FGGY: variants seen among roughly 807,000 people sequenced by gnomAD.
FGGY encodes the protein FGGY carbohydrate kinase domain containing.
Under a neutral mutation model 71.3 loss-of-function variants are expected in FGGY, and 72 were observed. That is an observed-to-expected ratio of 1.01 (90% confidence interval 0.84 to 1.23). FGGY has a LOEUF of 1.23. Among genes scored for constraint, FGGY ranks in the 50% most tolerant of loss-of-function variants. The pLI is 0.00. For missense variants in FGGY, 668 were observed against 682.3 expected (o/e 0.98, Z 0.23); for synonymous variants, 251 against 250.3 (o/e 1.00, Z -0.02).
At chr1:59,335,647 G>A (rs1230194494) in intron 2 of FGGY, among the ~76,000 whole-genome samples, 1 of 152,120 alleles carries the variant, frequency 6.6e-6, no homozygotes, top group East Asian at 1.9e-4. Flanking sequence ...ATGTATAAGG[G>A]CATCACTTTC....
intron 14 of FGGY, among the ~76,000 whole-genome samples, chr1:59,681,806 GCA>G (rs10666171): frequency 2.7e-5 from 4 of 150,028 alleles, no homozygotes; most frequent in African/African-American, 4.9e-5. Flanking sequence ...ACACACACAT[GCA>G]CACACACACA....
In FGGY at chr1:59,559,075, C is replaced by A. The variant is rs533941120; in HGVS notation, c.903+4848C>A. Among the ~76,000 whole-genome samples the A allele has an allele frequency of 2.6e-5, 4 of 152,304 alleles. No homozygotes were observed. The South Asian group carries it at 8.3e-4, about 32-fold the overall frequency. ...GCACTGATTTCATATTGTTCAAACA[C>A]ACATCTTTTACAATCAATTTGTACA... On this transcript the variant is annotated intron_variant, in intron 8 of 15. Coordinates refer to ENST00000303721, the MANE Select transcript of FGGY (RefSeq NM_018291.5).
rs77697733 is a variant in FGGY at position 59,329,953 on chromosome 1, C to T, written c.201+8203C>T. ...AAAGTTCCATTGGATAGTGCTGCCC[C>T]AAACCTTAATTCAAAAGTTAGTTCT... is the stretch of plus-strand genomic sequence containing the variant. On this transcript the variant is annotated intron_variant, in intron 2 of 15. Transcript: ENST00000303721. Among the ~76,000 whole-genome samples the T allele has an allele frequency of 8.4e-3, 1,273 of 152,294 alleles. 15 individuals are homozygous for T. The highest frequency in any genetic ancestry group is 0.029 in the African/African-American group (1,198 of 41,550).
At chr1:59,615,507 A>T (rs1558557597) in intron 9 of FGGY, among the ~76,000 whole-genome samples, 1 of 152,228 alleles carries the variant, frequency 6.6e-6, no homozygotes. Flanking sequence ...AAGATGGATT[A>T]AAGACTTAAA....
chr1:59,587,647 C>T (rs12759733), intron 8 of FGGY, among the ~76,000 whole-genome samples: 1 of 151,980 alleles, frequency 6.6e-6, no homozygotes, highest in African/African-American at 2.4e-5. Flanking sequence ...ACGATAATCC[C>T]CTGTTCTGCA....
chr1:59,482,634 G>GTGTATATATATATATATATATA (rs144699610), intron 6 of FGGY, among the ~76,000 whole-genome samples: 1 of 147,460 alleles, frequency 6.8e-6, no homozygotes, highest in African/African-American at 2.5e-5. Flanking sequence ...GTGTCTGTGT[G>GTGTATATATATATATATATATA]TATATATATA....
At position 59,500,444 on chromosome 1, in the gene FGGY, A is replaced by G. The variant is rs1033215088; in HGVS notation, c.671-11867A>G. ...TCTCAGTACCAGGCACAGAGCAAGC[A>G]CCCAATACATATTATAGGAATAAAT... On this transcript the variant is annotated intron_variant, in intron 6 of 15. Coordinates refer to ENST00000303721, the MANE Select transcript of FGGY (RefSeq NM_018291.5). 5.3e-5 allele frequency among the ~76,000 whole-genome samples: 8 copies of G among 152,230 alleles called. No homozygotes were observed. In the East Asian group the frequency reaches 1.3e-3, roughly 26 times the overall value.
intron 14 of FGGY, among the ~76,000 whole-genome samples, chr1:59,719,267 T>C (rs1291557815): frequency 6.6e-6 from 1 of 152,202 alleles, no homozygotes; most frequent in Non-Finnish European, 1.5e-5. Context: ...ACTTTTTTTT[T>C]TAAGTGTTTT....
intron 7 of FGGY, among the ~76,000 whole-genome samples, chr1:59,527,704 G>A (rs1467279737): frequency 1.3e-5 from 2 of 152,136 alleles, no homozygotes; most frequent in Non-Finnish European, 2.9e-5. Flanking sequence ...CACATAACTT[G>A]CCTCTGTTCC....
chr1:59,359,918 C>T (rs748372112), intron 4 of FGGY, among the ~76,000 whole-genome samples: 10 of 152,218 alleles, frequency 6.6e-5, no homozygotes, highest in Non-Finnish European at 1.2e-4. Flanking sequence ...CTCTATCCTA[C>T]CTGGCCTCCG....
chr1:59,395,678 T>C (rs528286361), intron 5 of FGGY, among the ~76,000 whole-genome samples: 3 of 152,312 alleles, frequency 2.0e-5, no homozygotes, highest in Admixed American at 6.5e-5. Context: ...TTTAGATACA[T>C]TAACCCCTTC....
intron 8 of FGGY, among the ~76,000 whole-genome samples, chr1:59,574,829 TTTCCAATGAAAAGAAGCAAAG>T (rs1421785381): frequency 6.6e-6 from 1 of 152,148 alleles, no homozygotes; most frequent in Non-Finnish European, 1.5e-5. Flanking sequence ...ACCTGTGAGA[TTTCCAATGAAAAGAAGCAAAG>T]TTTTATACAT....
At chr1:59,346,714 A>T (rs146087763) in intron 4 of FGGY, among the ~76,000 whole-genome samples, 2 of 152,184 alleles carry the variant, frequency 1.3e-5, no homozygotes, top group African/African-American at 4.8e-5. Context: ...ATGTTCATAG[A>T]GATAAAACAA....
At chr1:59,622,563 C>T (rs1478596890) in intron 9 of FGGY, among the ~76,000 whole-genome samples, 1 of 152,170 alleles carries the variant, frequency 6.6e-6, no homozygotes, top group African/African-American at 2.4e-5. Context: ...TGGACTACTT[C>T]TGGTGTTCCC....
chr1:59,465,805 G>A (rs1049423670), intron 6 of FGGY, among the ~76,000 whole-genome samples: 1 of 152,172 alleles, frequency 6.6e-6, no homozygotes, highest in Non-Finnish European at 1.5e-5. Context: ...CAAAGGATGT[G>A]AAGTACCTCT....
intron 7 of FGGY, among the ~76,000 whole-genome samples, chr1:59,543,055 G>A (rs572673076): frequency 6.6e-6 from 1 of 152,118 alleles, no homozygotes; most frequent in African/African-American, 2.4e-5. Flanking sequence ...CATTTCAACT[G>A]CAGGTTTTGA....
At chr1:59,369,210 G>A (rs1186259612) in intron 4 of FGGY, among the ~76,000 whole-genome samples, 1 of 152,174 alleles carries the variant, frequency 6.6e-6, no homozygotes, top group Non-Finnish European at 1.5e-5. Flanking sequence ...ACTCCCACCC[G>A]ATACTGCGCT....
At chr1:59,497,459 G>C (rs1015583859) in intron 6 of FGGY, among the ~76,000 whole-genome samples, 25 of 152,254 alleles carry the variant, frequency 1.6e-4, no homozygotes, top group African/African-American at 4.3e-4. Flanking sequence ...GTGGTGGCAG[G>C]CACCTGTAAT....
At chr1:59,456,195 C>T (rs189319307) in intron 5 of FGGY, among the ~76,000 whole-genome samples, 1 of 152,300 alleles carries the variant, frequency 6.6e-6, no homozygotes, top group East Asian at 1.9e-4. Context: ...TTCTCCTTCT[C>T]ATGTTGCTTA....
Sources: gnomAD v4.1 joint callset for allele counts (sites outside exome capture counted in the v4.1 genomes callset) on GRCh38, gnomAD v4.1.1 for gene constraint, MANE v1.5 for transcripts, NCBI Gene and HGNC (gene_info 2026-07-23, HGNC 2026-07-21) for gene names.